Variants in PNISR observed in about 807,000 individuals in gnomAD.
The protein encoded by PNISR is PNN interacting serine and arginine rich protein, also known as arginine/serine-rich protein PNISR.
Under a neutral mutation model 93.4 loss-of-function variants are expected in PNISR, and 20 were observed. The ratio of observed to expected loss-of-function variants is 0.21; its 90% CI spans 0.15 to 0.31. The LOEUF (loss-of-function observed/expected upper bound fraction) is 0.31. Among genes scored for constraint, PNISR ranks in the 10% least tolerant of loss-of-function variants. The pLI is 1.00. For synonymous variants in PNISR, 305 were observed against 306.5 expected (o/e 0.99, Z 0.05); for missense variants, 893 against 985.4 (o/e 0.91, Z 1.25).
Position 99,401,560 on chromosome 6 carries a change from T to TA in PNISR, c.1397dup (p.Leu466PhefsTer12). Reference sequence around the variant, plus strand: ...CTGCTTCTCTTGCTTCTAGTAGTGATAAACTATTTTGCTCTTTATGGATAA... The same window carrying TA: ...CTGCTTCTCTTGCTTCTAGTAGTGATAAAACTATTTTGCTCTTTATGGATAA... On this transcript the variant is annotated frameshift_variant, in exon 12 of 12. Coordinates refer to ENST00000369239, the MANE Select transcript of PNISR (RefSeq NM_032870.4). LOFTEE classifies it high-confidence loss of function. The TA allele has an allele frequency of 6.2e-7, 1 of 1,600,888 alleles. No homozygotes were observed. The highest frequency in any genetic ancestry group is 8.5e-7 in the Non-Finnish European group (1 of 1,176,680).
intron 1 of PNISR, among the ~76,000 whole-genome samples, chr6:99,422,962 G>A (rs995937786): frequency 6.6e-5 from 10 of 150,690 alleles, no homozygotes; most frequent in Non-Finnish European, 1.2e-4. Flanking sequence ...TAAATGTAGC[G>A]AGAGCGCCCA....
chr6:99,416,564 A>T (rs2128491687), intron 1 of PNISR, 136 bp from the exon 2 acceptor site: 1 of 393,750 alleles, frequency 2.5e-6, no homozygotes, highest in African/African-American at 2.1e-5. Context: ...ATGGGGAATT[A>T]TTTTATCATA....
Position 99,419,952 on chromosome 6 carries a change from T to C in PNISR, c.-111-3524A>G, listed in dbSNP as rs183189642. ...CAGGCTGGAGTGCAGTGGTGCGATG[T>C]TGGCTCACTGCAAGCTCTGCCTCCC... On this transcript the variant is annotated intron_variant, in intron 1 of 11. Coordinates refer to ENST00000369239, the MANE Select transcript of PNISR (RefSeq NM_032870.4). Among the ~76,000 whole-genome samples the C allele has an allele frequency of 9.6e-4, 146 of 152,154 alleles. 1 individual carries two copies. The highest frequency in any genetic ancestry group is 1.8e-3 in the Admixed American group (28 of 15,264).
chr6:99,410,362 T>G, intron 5 of PNISR: 1 of 175,740 alleles, frequency 5.7e-6, no homozygotes, highest in Non-Finnish European at 1.2e-5. Flanking sequence ...CTTAGGAAAA[T>G]GATCTATATT....
intron 1 of PNISR, among the ~76,000 whole-genome samples, chr6:99,419,245 C>A (rs972413352): frequency 2.7e-5 from 4 of 150,070 alleles, no homozygotes; most frequent in African/African-American, 9.8e-5. Flanking sequence ...TCCCTCTGAC[C>A]CAGCAATTCC....
chr6:99,416,934 T>C (rs1011275484), intron 1 of PNISR, among the ~76,000 whole-genome samples: 1 of 152,214 alleles, frequency 6.6e-6, no homozygotes, highest in Non-Finnish European at 1.5e-5. Context: ...TTATTCATCC[T>C]TTTATCTTCA....
In PNISR at chr6:99,408,285, G is replaced by A. The variant is rs186736510; in HGVS notation, c.674-14C>T. 162 of 1,565,580 alleles carry A rather than the reference G, an allele frequency of 1.0e-4. 1 individual carries two copies. The African/African-American group carries it at 1.8e-3, about 18-fold the overall frequency. On this transcript the variant is annotated splice_polypyrimidine_tract_variant and intron_variant, in intron 6 of 11. Transcript: ENST00000369239. ...GTTTTACTGCGTCTGTTTCACGTGG[G>A]AAAAATATACGCAAGTCAGTTAAGT...
chr6:99,412,098 AAAAAAGGGAAG>A (rs1381579561), intron 4 of PNISR: 1 of 316,392 alleles, frequency 3.2e-6, no homozygotes, highest in Non-Finnish European at 6.3e-6. Context: ...ATCTGAAAAA[AAAAAAGGGAAG>A]AAAAAGGTAG....
chr6:99,420,284 T>A (rs1778374972), intron 1 of PNISR, among the ~76,000 whole-genome samples: 1 of 152,238 alleles, frequency 6.6e-6, no homozygotes, highest in Admixed American at 6.5e-5. Flanking sequence ...AGAGTAAATT[T>A]TGATAATCTT....
chr6:99,408,297 C>T lies in PNISR; in HGVS notation c.674-26G>A, dbSNP rs191627161. On this transcript the variant is annotated intron_variant, in intron 6 of 11. Transcript: ENST00000369239. ...CTGTTTCACGTGGGAAAAATATACG[C>T]AAGTCAGTTAAGTAAAATATTTCTA... The T allele has an allele frequency of 9.6e-4, 1,443 of 1,501,598 alleles. 2 individuals are homozygous for T. Among genetic ancestry groups the T allele is most frequent in the Non-Finnish European group, 1.2e-3 (1,284 of 1,094,976 alleles). 93.0% of individuals were successfully genotyped at this position (1,501,598 alleles called of 1,614,324 possible). A position where few individuals can be genotyped will look rare whatever the true frequency, so the allele number is the denominator to read the frequency against.
chr6:99,401,566 A>G lies in PNISR; in HGVS notation c.1392T>C (p.Asn464=), dbSNP rs777410585. ...EMNEFIHKEQ[N]SLSLLEAREA... is the part of the protein sequence containing the mutation. Reference sequence around the variant, plus strand: ...CTCTTGCTTCTAGTAGTGATAAACTATTTTGCTCTTTATGGATAAATTCAT... The same window carrying G: ...CTCTTGCTTCTAGTAGTGATAAACTGTTTTGCTCTTTATGGATAAATTCAT... The change falls in exon 12 of 12, where the codon AAT becomes AAC. Residue 464 remains asparagine, a synonymous_variant. Transcript: ENST00000369239. 8 of 1,592,068 alleles carry G rather than the reference A, an allele frequency of 5.0e-6. No individual in the cohort carries two copies. Among genetic ancestry groups the G allele is most frequent in the Non-Finnish European group, 6.8e-6 (8 of 1,174,200 alleles).
intron 10 of PNISR, chr6:99,402,954 A>C (rs1562229885): frequency 6.4e-6 from 2 of 311,070 alleles, no homozygotes; most frequent in Non-Finnish European, 1.2e-5. Flanking sequence ...TAAAGGAATG[A>C]TAATGGGTTT....
Position 99,406,079 on chromosome 6 carries a change from T to C in PNISR, c.954A>G (p.Glu318=). Residue 318 remains glutamate (E), a synonymous_variant, in exon 8 of 12, where the codon GAA becomes GAG. Transcript: ENST00000369239. ...CAGTCATCTCAGGGTCACTGTGCTCTTCTTGAGGAACTGGGGATGGACTTC... is the reference window on the plus strand; with the variant it reads ...CAGTCATCTCAGGGTCACTGTGCTCCTCTTGAGGAACTGGGGATGGACTTC... ...VTRSPSPVPQ[E]EHSDPEMTEE... 1.2e-6 allele frequency: 2 copies of C among 1,612,180 alleles called. No individual in the cohort carries two copies. The highest frequency in any genetic ancestry group is 1.7e-6 in the Non-Finnish European group (2 of 1,178,244).
chr6:99,421,675 A>G (rs1778574644), intron 1 of PNISR, among the ~76,000 whole-genome samples: 1 of 152,116 alleles, frequency 6.6e-6, no homozygotes, highest in South Asian at 2.1e-4. Flanking sequence ...TCAATTTTAC[A>G]CTGTTAGCCT....
At chr6:99,418,742 C>T (rs1329096114) in intron 1 of PNISR, among the ~76,000 whole-genome samples, 3 of 152,120 alleles carry the variant, frequency 2.0e-5, no homozygotes, top group Non-Finnish European at 4.4e-5. Flanking sequence ...AAGTTAGAGG[C>T]TATTTATTAA....
Position 99,408,336 on chromosome 6 carries a change from A to C in PNISR, c.674-65T>G, listed in dbSNP as rs1292366358. On this transcript the variant is annotated intron_variant, in intron 6 of 11. Coordinates refer to ENST00000369239, the MANE Select transcript of PNISR (RefSeq NM_032870.4). Reference sequence around the variant, plus strand: ...AAAATATTTCTACAAACTTGTGAGTAAATTTAAAAAATATCCCATTAAATA... The same window carrying C: ...AAAATATTTCTACAAACTTGTGAGTCAATTTAAAAAATATCCCATTAAATA... 6 of 1,114,786 alleles carry C rather than the reference A, an allele frequency of 5.4e-6. No individual in the cohort carries two copies. In the East Asian group the frequency reaches 1.4e-4, roughly 26 times the overall value. 69.1% of individuals were successfully genotyped at this position (1,114,786 alleles called of 1,614,324 possible).
chr6:99,400,527 TTTAAAAAG>T lies in PNISR; in HGVS notation c.*5_*12del. ...TTTTTTTAAAAATCAGACAAAATAC[TTTAAAAAG>T]TATACTACCTTGATCGGGACTTAGA... On this transcript the variant is annotated 3_prime_UTR_variant, in exon 12 of 12. Coordinates refer to ENST00000369239, the MANE Select transcript of PNISR (RefSeq NM_032870.4). 6.3e-7 allele frequency: 1 copy of T among 1,587,678 alleles called. No homozygotes were observed. The highest frequency in any genetic ancestry group is 8.5e-7 in the Non-Finnish European group (1 of 1,172,324).
rs200845836 is a variant in PNISR, at chr6:99,401,040, G to A, written c.1918C>T (p.Arg640Cys). The change falls in exon 12 of 12, where the codon CGT (arginine) becomes TGT (cysteine). Residue 640 changes from arginine to cysteine, a missense_variant. Arg to Cys is a radical substitution (Grantham distance 180). This residue lies in a region of PNISR where 866 missense variants were observed against 935.1 expected (regional missense o/e 0.93). Transcript: ENST00000369239. ...RASRSRSRDR[R>C]KIDDQRGNLS... ...TTTCCACGTTGATCATCAATTTTAC[G>A]CCTATCTCGACTCCTACTGCGACTG... The A allele has an allele frequency of 1.2e-5, 19 of 1,613,058 alleles. 1 individual carries two copies. The highest frequency in any genetic ancestry group is 1.1e-4 in the East Asian group (5 of 44,844).
chr6:99,425,225 TCGGGAACA>T lies in PNISR; in HGVS notation c.-130_-123del. On this transcript the variant is annotated 5_prime_UTR_variant, in exon 1 of 12. Coordinates refer to ENST00000369239, the MANE Select transcript of PNISR (RefSeq NM_032870.4). ...TTCTCCATCACTTACCCACTCTAGT[TCGGGAACA>T]CCCTTGTCGCCGCCGTTCCGGTAAC... 1 of 1,232,112 alleles carries T rather than the reference TCGGGAACA, an allele frequency of 8.1e-7. No homozygotes were observed. Among genetic ancestry groups the T allele is most frequent in the Non-Finnish European group, 1.0e-6 (1 of 987,902 alleles). 76.3% of individuals were successfully genotyped at this position (1,232,112 alleles called of 1,614,324 possible).
Sources: gnomAD v4.1 joint callset for allele counts (sites outside exome capture counted in the v4.1 genomes callset) on GRCh38, gnomAD v4.1.1 for gene constraint, gnomAD v4.1.1 regional missense constraint, MANE v1.5 for transcripts, NCBI Gene and HGNC (gene_info 2026-07-23, HGNC 2026-07-21) for gene names.